The following ATP1B3 variants were observed in gnomAD, a reference collection of about 807,000 sequenced individuals.
ATP1B3 encodes ATPase Na+/K+ transporting subunit beta 3.
ATP1B3 carries 10 observed loss-of-function variants against 30.2 expected under a neutral mutation model. The ratio of observed to expected loss-of-function variants is 0.33; its 90% CI spans 0.20 to 0.56. The LOEUF is 0.56. Ranked by LOEUF, ATP1B3 falls within the 20% of genes least tolerant of loss-of-function variation. ATP1B3 has a pLI of 0.90. For synonymous variants in ATP1B3, 113 were observed against 117.0 expected, an observed-to-expected ratio of 0.97 and a Z score of 0.22; for missense variants, 238 against 336.7, an observed-to-expected ratio of 0.71 and a Z score of 2.29.
chr3:141,879,815 T>G (rs1421174567), intron 1 of ATP1B3, among the ~76,000 whole-genome samples: 1 of 113,806 alleles, frequency 8.8e-6, no homozygotes, highest in East Asian at 5.2e-4. Flanking sequence ...TAACAGCTTT[T>G]TTTTTTTTTT....
intron 1 of ATP1B3, among the ~76,000 whole-genome samples, chr3:141,877,214 C>T (rs897483010): frequency 4.0e-5 from 6 of 151,728 alleles, no homozygotes; most frequent in Non-Finnish European, 7.4e-5. Flanking sequence ...CGGCGCGGCG[C>T]CGGAAGCCGG....
intron 5 of ATP1B3, chr3:141,916,234 C>A: frequency 1.9e-6 from 1 of 532,406 alleles, no homozygotes; most frequent in Non-Finnish European, 3.5e-6. Context: ...GCACACATTG[C>A]CTTTATTTTC....
At chr3:141,879,209 G>A (rs1223404534) in intron 1 of ATP1B3, among the ~76,000 whole-genome samples, 3 of 151,856 alleles carry the variant, frequency 2.0e-5, no homozygotes, top group Non-Finnish European at 1.5e-5. Context: ...GTATATTGTG[G>A]GCATCTTTCC....
chr3:141,925,280 A>G (rs1357598143), intron 6 of ATP1B3, among the ~76,000 whole-genome samples: 1 of 152,162 alleles, frequency 6.6e-6, no homozygotes, highest in Non-Finnish European at 1.5e-5. Flanking sequence ...TAGCCTGGGC[A>G]GGGAGACCCT....
chr3:141,921,882 A>G, intron 5 of ATP1B3, 95 bp from the exon 6 acceptor site: 1 of 641,276 alleles, frequency 1.6e-6, no homozygotes. Context: ...TAGTTTCTGC[A>G]AACTGTTCAT....
chr3:141,905,973 TG>T (rs1231774015), intron 2 of ATP1B3, among the ~76,000 whole-genome samples: 1 of 151,864 alleles, frequency 6.6e-6, no homozygotes, highest in Non-Finnish European at 1.5e-5. Context: ...ATATTACATA[TG>T]GGACATATTA....
chr3:141,892,785 C>T (rs1408949515), intron 1 of ATP1B3, among the ~76,000 whole-genome samples: 1 of 150,874 alleles, frequency 6.6e-6, no homozygotes, highest in Non-Finnish European at 1.5e-5. Flanking sequence ...CAAAGGGGTA[C>T]AAGGAACGTT....
In ATP1B3 at chr3:141,925,803, G is replaced by A; in HGVS notation, c.*102G>A. On this transcript the variant is annotated 3_prime_UTR_variant, in exon 7 of 7. Transcript: ENST00000286371. Reference sequence around the variant, plus strand: ...GAATTATGAGACCACCTTGGAGAAAGGTGTGTGGTACATGACATTGGGTTA... The same window carrying A: ...GAATTATGAGACCACCTTGGAGAAAAGTGTGTGGTACATGACATTGGGTTA... 1 of 1,403,866 alleles carries A rather than the reference G, an allele frequency of 7.1e-7. No individual in the cohort carries two copies. Among genetic ancestry groups the A allele is most frequent in the South Asian group, 1.3e-5 (1 of 74,784 alleles). The allele number at this position is 1,403,866 out of a possible 1,614,324, so 87.0% of individuals were successfully genotyped here. A position where few individuals can be genotyped will look rare whatever the true frequency, so the allele number is the denominator to read the frequency against.
intron 3 of ATP1B3, among the ~76,000 whole-genome samples, chr3:141,911,472 A>T (rs905378027): frequency 1.4e-5 from 2 of 147,910 alleles, no homozygotes; most frequent in South Asian, 4.2e-4. Flanking sequence ...AGGGTCATTC[A>T]TTCCTCCAGT....
At position 141,919,545 on chromosome 3, in the gene ATP1B3, T is replaced by C. The variant is rs1202004550; in HGVS notation, c.583-2432T>C. Reference sequence around the variant, plus strand: ...GAATCATACTAAGAAAATCAAAAAATGGGAAGAAACAAAATGCATTAATTT... The same window carrying C: ...GAATCATACTAAGAAAATCAAAAAACGGGAAGAAACAAAATGCATTAATTT... On this transcript the variant is annotated intron_variant, in intron 5 of 6. Coordinates refer to ENST00000286371, the MANE Select transcript of ATP1B3 (RefSeq NM_001679.4). Among the ~76,000 whole-genome samples the C allele has an allele frequency of 2.6e-5, 4 of 152,198 alleles. No homozygotes were observed. In the East Asian group the frequency reaches 7.7e-4, roughly 29 times the overall value.
intron 1 of ATP1B3, among the ~76,000 whole-genome samples, chr3:141,879,848 C>G: frequency 1.3e-5 from 1 of 78,692 alleles, no homozygotes; most frequent in Non-Finnish European, 2.7e-5. Flanking sequence ...GAAAAACAGC[C>G]TTTTGTCATT....
chr3:141,885,360 G>A (rs943314947), intron 1 of ATP1B3, among the ~76,000 whole-genome samples: 1 of 152,140 alleles, frequency 6.6e-6, no homozygotes, highest in Non-Finnish European at 1.5e-5. Context: ...CTAGCCACCC[G>A]TACCAAATTT....
intron 1 of ATP1B3, among the ~76,000 whole-genome samples, chr3:141,884,166 A>G (rs1300666456): frequency 6.6e-6 from 1 of 152,024 alleles, no homozygotes; most frequent in Non-Finnish European, 1.5e-5. Context: ...TTTTTTTAAC[A>G]TAATAACCTC....
intron 1 of ATP1B3, chr3:141,902,194 C>A (rs1437954225): frequency 1.5e-5 from 19 of 1,289,696 alleles, no homozygotes; most frequent in Non-Finnish European, 1.8e-5. Context: ...GTTCTCCTCT[C>A]TTCTGTCCTC....
At chr3:141,898,452 A>G (rs538128509) in intron 1 of ATP1B3, among the ~76,000 whole-genome samples, 1 of 152,358 alleles carries the variant, frequency 6.6e-6, no homozygotes, top group South Asian at 2.1e-4. Flanking sequence ...ATCTGAATAG[A>G]CAGTTCTCTG....
At position 141,913,794 on chromosome 3, in the gene ATP1B3, C is replaced by G. The variant is rs1934408709; in HGVS notation, c.489C>G (p.Gly163=). Residue 163 remains glycine, a synonymous_variant, in exon 4 of 7, where the codon GGC becomes GGG. Coordinates refer to ENST00000286371, the MANE Select transcript of ATP1B3 (RefSeq NM_001679.4). The part of the protein sequence containing the change: ...ACSGMNDPDF[G]YSQGNPCILV... The stretch of plus-strand genomic sequence containing the variant: ...GTGGTATGAATGATCCTGATTTTGG[C>G]TATTCTCAAGGAAACCCTTGTATTC... The G allele has an allele frequency of 3.7e-6, 6 of 1,613,828 alleles. No individual in the cohort carries two copies. Among genetic ancestry groups the G allele is most frequent in the Non-Finnish European group, 5.1e-6 (6 of 1,179,898 alleles).
chr3:141,901,424 A>G (rs1015532359), intron 1 of ATP1B3, among the ~76,000 whole-genome samples: 3 of 152,182 alleles, frequency 2.0e-5, no homozygotes, highest in African/African-American at 7.2e-5. Context: ...AAGTATATTT[A>G]TATGTGAGAC....
Position 141,925,761 on chromosome 3 carries a change from C to T in ATP1B3, c.*60C>T, listed in dbSNP as rs1934647779. On this transcript the variant is annotated 3_prime_UTR_variant, in exon 7 of 7. Transcript: ENST00000286371. ...GTTGTCTGTCTTCATTTTGTAACAGCTGGACCTTCCATTCTAGAATTATGA... is the reference window on the plus strand; with the variant it reads ...GTTGTCTGTCTTCATTTTGTAACAGTTGGACCTTCCATTCTAGAATTATGA... 7 of 1,550,414 alleles carry T rather than the reference C, an allele frequency of 4.5e-6. No homozygotes were observed. The highest frequency in any genetic ancestry group is 1.9e-5 in the Admixed American group (1 of 53,540).
intron 1 of ATP1B3, among the ~76,000 whole-genome samples, chr3:141,890,747 A>G (rs139299744): frequency 0.11 from 15,825 of 149,268 alleles, 890 homozygotes; most frequent in Middle Eastern, 0.16. Flanking sequence ...TAATTTTTGT[A>G]TTTTTAGTAG....
Sources: gnomAD v4.1 joint callset for allele counts (sites outside exome capture counted in the v4.1 genomes callset) on GRCh38, gnomAD v4.1.1 for gene constraint, MANE v1.5 for transcripts, NCBI Gene and HGNC (gene_info 2026-07-23, HGNC 2026-07-21) for gene names.